Variants in FAS observed in about 807,000 individuals in gnomAD.
The protein encoded by FAS is Fas cell surface death receptor, also known as tumor necrosis factor receptor superfamily member 6.
FAS carries 5 observed loss-of-function variants against 33.2 expected under a neutral mutation model. The ratio of observed to expected loss-of-function variants is 0.15; its 90% CI spans 0.08 to 0.32. FAS has a LOEUF of 0.32. Among genes scored for constraint, FAS ranks in the 10% least tolerant of loss-of-function variants. FAS has a pLI of 1.00. For missense variants in FAS, 339 were observed against 386.0 expected (o/e 0.88, Z 1.02); for synonymous variants, 131 against 130.7 (o/e 1.00, Z -0.01).
upstream of FAS, among the ~76,000 whole-genome samples, chr10:88,984,497 T>C (rs904268466): frequency 6.6e-6 from 1 of 152,252 alleles, no homozygotes; most frequent in Non-Finnish European, 1.5e-5. Flanking sequence ...CCAAATGTGA[T>C]TCTGCATTTA....
At chr10:88,981,082 C>CCAAGTGCGAGGA (rs1846699598) in intron 2 of FAS, among the ~76,000 whole-genome samples, 1 of 152,172 alleles carries the variant, frequency 6.6e-6, no homozygotes, top group Non-Finnish European at 1.5e-5. Flanking sequence ...GCGAGGAAGT[C>CCAAGTGCGAGGA]AGCACAAGCA....
upstream of FAS, among the ~76,000 whole-genome samples, chr10:88,982,341 T>C (rs980893594): frequency 2.6e-5 from 4 of 152,236 alleles, no homozygotes; most frequent in Non-Finnish European, 4.4e-5. Flanking sequence ...AATTAAAAGT[T>C]GCATGTGTAT....
At position 89,014,877 on chromosome 10, in the gene FAS, A is replaced by G. The variant is rs1470435326; in HGVS notation, c.*427A>G. ...ATATCAGTTACTGAACAGGCAGGCC[A>G]CTTTGCCTCTAAATTACCTCTGATA... is the stretch of plus-strand genomic sequence containing the variant. On this transcript the variant is annotated 3_prime_UTR_variant, in exon 9 of 9. Coordinates refer to ENST00000652046, the MANE Select transcript of FAS (RefSeq NM_000043.6). 1 of 536,918 alleles carries G rather than the reference A, an allele frequency of 1.9e-6. No homozygotes were observed. Among genetic ancestry groups the G allele is most frequent in the East Asian group, 3.9e-5 (1 of 25,710 alleles). 33.3% of individuals were successfully genotyped at this position (536,918 alleles called of 1,614,324 possible). A position where few individuals can be genotyped will look rare whatever the true frequency, so the allele number is the denominator to read the frequency against.
At chr10:89,013,018 A>T (rs1848607814) in intron 7 of FAS, among the ~76,000 whole-genome samples, 1 of 152,144 alleles carries the variant, frequency 6.6e-6, no homozygotes, top group Non-Finnish European at 1.5e-5. Flanking sequence ...CAGGGAAGAA[A>T]ATTTTAGAGT....
intron 1 of FAS, among the ~76,000 whole-genome samples, chr10:88,994,323 G>T (rs1037137374): frequency 1.3e-5 from 2 of 152,162 alleles, no homozygotes; most frequent in African/African-American, 2.4e-5. Flanking sequence ...CCCCTAGGAA[G>T]TTAATTGCTT....
intron 2 of FAS, among the ~76,000 whole-genome samples, chr10:89,005,934 C>T (rs1018393353): frequency 2.6e-5 from 4 of 152,268 alleles, no homozygotes; most frequent in East Asian, 1.9e-4. Flanking sequence ...CCACTGTGCC[C>T]GGCCTGATAC....
In FAS at chr10:89,015,303, C is replaced by T. The variant is rs770098016; in HGVS notation, c.*853C>T. ...ATAGTCCACCAAAAGGCAAGACTGC[C>T]CTTAGAAATTCTAGCCTGGTTTGGA... On this transcript the variant is annotated 3_prime_UTR_variant, in exon 9 of 9. Transcript: ENST00000652046. 111 of 534,580 alleles carry T rather than the reference C, an allele frequency of 2.1e-4. 1 individual carries two copies. The highest frequency in any genetic ancestry group is 4.0e-5 in the Non-Finnish European group (11 of 276,682). 33.1% of individuals were successfully genotyped at this position (534,580 alleles called of 1,614,324 possible). A position where few individuals can be genotyped will look rare whatever the true frequency, so the allele number is the denominator to read the frequency against.
chr10:88,999,349 G>A (rs1265106348), intron 1 of FAS, among the ~76,000 whole-genome samples: 4 of 151,984 alleles, frequency 2.6e-5, no homozygotes, highest in Non-Finnish European at 5.9e-5. Flanking sequence ...TTCAAAGCCA[G>A]GGGTTAAAAT....
intron 2 of FAS, 150 bp downstream of exon 2, chr10:89,003,344 A>T (rs577421956): frequency 1.6e-5 from 14 of 890,956 alleles, no homozygotes; most frequent in Admixed American, 1.1e-4. Flanking sequence ...TTATTTTCCA[A>T]AGATGAGTTT....
chr10:89,000,142 A>T (rs1052649200), intron 1 of FAS, among the ~76,000 whole-genome samples: 1 of 152,240 alleles, frequency 6.6e-6, no homozygotes, highest in Non-Finnish European at 1.5e-5. Flanking sequence ...ATGCTGGTTT[A>T]AGAAAATATA....
rs1848473290 is a variant in FAS, at chr10:89,010,540, T to C, written c.445T>C (p.Cys149Arg). Residue 149 changes from cysteine to arginine, a missense_variant and splice_region_variant, in exon 5 of 9, where the codon TGT becomes CGT. Transcript: ENST00000652046. Reference protein sequence around the residue: ...VCEHCDPCTKCEHGIIKECTL... With the variant: ...VCEHCDPCTKREHGIIKECTL... ...TTTCTCCTGTATTTTTTTTTCTAGA[T>C]GTGAACATGGAATCATCAAGGAATG... The C allele has an allele frequency of 6.2e-7, 1 of 1,612,954 alleles. No individual in the cohort carries two copies. Among genetic ancestry groups the C allele is most frequent in the Admixed American group, 1.7e-5 (1 of 59,922 alleles).
At chr10:89,008,182 C>T (rs1848341229) in intron 3 of FAS, among the ~76,000 whole-genome samples, 1 of 152,164 alleles carries the variant, frequency 6.6e-6, no homozygotes, top group Non-Finnish European at 1.5e-5. Flanking sequence ...ATTCAGAAGC[C>T]TGCAGATACA....
intron 1 of FAS, among the ~76,000 whole-genome samples, chr10:89,000,262 G>T (rs1847846972): frequency 2.0e-5 from 3 of 152,164 alleles, no homozygotes; most frequent in Non-Finnish European, 4.4e-5. Context: ...AGAATTCAAT[G>T]TTGATAATTC....
In FAS at chr10:89,014,886, C is replaced by G; in HGVS notation, c.*436C>G. The G allele has an allele frequency of 1.9e-6, 1 of 536,352 alleles. No homozygotes were observed. The highest frequency in any genetic ancestry group is 1.5e-5 in the South Asian group (1 of 65,194). The allele number at this position is 536,352 out of a possible 1,614,324, so 33.2% of individuals were successfully genotyped here. ...ACTGAACAGGCAGGCCACTTTGCCT[C>G]TAAATTACCTCTGATAATTCTAGAG... is the stretch of plus-strand genomic sequence containing the variant. On this transcript the variant is annotated 3_prime_UTR_variant, in exon 9 of 9. Transcript: ENST00000652046.
intron 1 of FAS, among the ~76,000 whole-genome samples, chr10:88,992,725 A>C (rs951740237): frequency 3.3e-5 from 5 of 152,172 alleles, no homozygotes; most frequent in African/African-American, 1.2e-4. Context: ...TCACCTAAGT[A>C]ATCATTGTTT....
At chr10:89,001,155 T>C (rs1001130025) in intron 1 of FAS, among the ~76,000 whole-genome samples, 2 of 152,228 alleles carry the variant, frequency 1.3e-5, no homozygotes, top group Admixed American at 1.3e-4. Flanking sequence ...AACAAACCGT[T>C]TGCAGTGTGA....
chr10:88,979,804 GA>G (rs529927809), intron 2 of FAS, among the ~76,000 whole-genome samples: 18 of 152,290 alleles, frequency 1.2e-4, no homozygotes, highest in African/African-American at 4.1e-4. Flanking sequence ...ATGCCAGGAG[GA>G]TCCAGAGAGC....
chr10:88,984,356 C>T (rs1228716535), upstream of FAS, among the ~76,000 whole-genome samples: 1 of 152,120 alleles, frequency 6.6e-6, no homozygotes, highest in Non-Finnish European at 1.5e-5. Flanking sequence ...CTCTCCCATA[C>T]TACCTTTCTG....
intron 2 of FAS, among the ~76,000 whole-genome samples, chr10:89,005,175 A>AAGGG (rs145464600): frequency 9.7e-4 from 133 of 137,300 alleles, no homozygotes; most frequent in Admixed American, 2.0e-3. Context: ...ATCAAAAACG[A>AAGGG]AGGGAGGGAG....
Sources: gnomAD v4.1 joint callset for allele counts (sites outside exome capture counted in the v4.1 genomes callset) on GRCh38, gnomAD v4.1.1 for gene constraint, MANE v1.5 for transcripts, NCBI Gene and HGNC (gene_info 2026-07-23, HGNC 2026-07-21) for gene names.